Variants in STARD13 observed in about 807,000 individuals in gnomAD.
STARD13 encodes stAR-related lipid transfer protein 13.
In STARD13, 62 loss-of-function variants were observed where a neutral mutation model predicts 106.4. The observed-to-expected ratio is 0.58, with a 90% confidence interval of 0.48 to 0.72. STARD13 has a LOEUF of 0.72. Among genes scored for constraint, STARD13 ranks in the 30% least tolerant of loss-of-function variants. The pLI is 0.00. For synonymous variants in STARD13, 565 were observed against 553.0 expected (o/e 1.02, Z -0.31); for missense variants, 1,387 against 1,424.0 (o/e 0.97, Z 0.42).
rs1484181791 is a variant in STARD13 at position 33,243,865 on chromosome 13, G to A, written c.169+41605C>T. 4.6e-5 allele frequency among the ~76,000 whole-genome samples: 7 copies of A among 152,248 alleles called. No individual in the cohort carries two copies. The East Asian group carries it at 1.2e-3, about 25-fold the overall frequency. On this transcript the variant is annotated intron_variant, in intron 1 of 13. Coordinates refer to ENST00000336934, the MANE Select transcript of STARD13 (RefSeq NM_178006.4). ...GTATTTAAGCACTGGTTTAAAGGTG[G>A]AAAGCAGGAACCAACGGCTAAGAGT...
At chr13:33,348,650 T>C (rs1229556000) in exon 2 of STARD13, 1 of 154,238 alleles carries the variant, frequency 6.5e-6, no homozygotes, top group Non-Finnish European at 1.4e-5. Context: ...ACCACAAAAA[T>C]TTCTCTAACA....
At chr13:33,385,126 A>AATAT in the STARD13 span, among the ~76,000 whole-genome samples, 65 of 129,914 alleles carry the variant, frequency 5.0e-4, no homozygotes, top group African/African-American at 1.3e-3. Flanking sequence ...AAAGGTTCGG[A>AATAT]ATATATATAT....
upstream of STARD13, among the ~76,000 whole-genome samples, chr13:33,289,395 C>T (rs1892199522): frequency 1.3e-5 from 2 of 152,154 alleles, no homozygotes; most frequent in African/African-American, 4.8e-5. Context: ...CTGAAGCCTT[C>T]ATGGCTTCAC....
the STARD13 span, among the ~76,000 whole-genome samples, chr13:33,531,752 T>G: frequency 6.6e-6 from 1 of 152,204 alleles, no homozygotes; most frequent in East Asian, 1.9e-4. Context: ...CCAGTTTGAA[T>G]GTAAGACTAC....
At chr13:33,602,689 G>A in the STARD13 span, among the ~76,000 whole-genome samples, 11 of 152,198 alleles carry the variant, frequency 7.2e-5, no homozygotes, top group African/African-American at 1.4e-4. Flanking sequence ...CACAGCAGGA[G>A]GTGAGCAACA....
the STARD13 span, among the ~76,000 whole-genome samples, chr13:33,427,649 G>C: frequency 3.9e-5 from 6 of 152,134 alleles, no homozygotes. Context: ...AATGTGGCTA[G>C]TCCGTAACAT....
the STARD13 span, among the ~76,000 whole-genome samples, chr13:33,468,120 T>C: frequency 3.2e-4 from 49 of 152,332 alleles, no homozygotes; most frequent in African/African-American, 1.2e-3. Context: ...GTTCTAATCC[T>C]ACCTTTCCAA....
the STARD13 span, among the ~76,000 whole-genome samples, chr13:33,632,784 A>G: frequency 1.3e-5 from 2 of 151,598 alleles, no homozygotes; most frequent in Non-Finnish European, 2.9e-5. Context: ...TTTTCTACAG[A>G]TTGATCACTA....
chr13:33,594,331 C>A, the STARD13 span, among the ~76,000 whole-genome samples: 40 of 151,900 alleles, frequency 2.6e-4, no homozygotes, highest in African/African-American at 9.7e-4. Flanking sequence ...AGGTCTTGTT[C>A]AGAGGACCAG....
At chr13:33,341,655 T>A (rs1003466805) in intron 1 of STARD13, among the ~76,000 whole-genome samples, 2 of 152,128 alleles carry the variant, frequency 1.3e-5, no homozygotes, top group African/African-American at 4.8e-5. Context: ...TTGTGCCTCT[T>A]ATTCAGAGCA....
At chr13:33,306,830 G>A (rs561728146) in intron 1 of STARD13, among the ~76,000 whole-genome samples, 6 of 152,158 alleles carry the variant, frequency 3.9e-5, no homozygotes, top group Non-Finnish European at 8.8e-5. Flanking sequence ...CATGCCTGCA[G>A]TCCCAGCTAC....
At chr13:33,609,557 A>ATTTC in the STARD13 span, among the ~76,000 whole-genome samples, 1 of 149,312 alleles carries the variant, frequency 6.7e-6, no homozygotes, top group Non-Finnish European at 1.5e-5. Context: ...TCTACTTCTA[A>ATTTC]TTTCTTTCTT....
chr13:33,518,252 G>A, the STARD13 span, among the ~76,000 whole-genome samples: 3 of 152,058 alleles, frequency 2.0e-5, no homozygotes, highest in Non-Finnish European at 4.4e-5. Context: ...ATTTACTTGG[G>A]CAAGACAGGA....
the STARD13 span, among the ~76,000 whole-genome samples, chr13:33,569,573 G>A: frequency 6.8e-6 from 1 of 147,258 alleles, no homozygotes; most frequent in East Asian, 2.0e-4. Flanking sequence ...TGTTAAATGA[G>A]GTGAAAGTGA....
chr13:33,117,873 C>T, intron 8 of STARD13, 192 bp downstream of exon 8: 1 of 985,268 alleles, frequency 1.0e-6, no homozygotes, highest in Non-Finnish European at 1.2e-6. Flanking sequence ...TTTTCAAATG[C>T]ATAAAAAAAT....
At chr13:33,498,053 C>T in the STARD13 span, among the ~76,000 whole-genome samples, 1 of 152,150 alleles carries the variant, frequency 6.6e-6, no homozygotes, top group Non-Finnish European at 1.5e-5. Context: ...TAAAAAAGAG[C>T]TGTCATACCA....
At chr13:33,113,581 A>G (rs779332967) in intron 8 of STARD13, 1 of 515,776 alleles carries the variant, frequency 1.9e-6, no homozygotes, top group Non-Finnish European at 3.9e-6. Context: ...GCTTTGCAGG[A>G]TGCCTGCTAT....
At chr13:33,413,986 T>C in the STARD13 span, among the ~76,000 whole-genome samples, 2 of 145,844 alleles carry the variant, frequency 1.4e-5, no homozygotes, top group Non-Finnish European at 3.0e-5. Context: ...TGAGCCAGGA[T>C]TGAACCACTG....
chr13:33,601,259 G>C, the STARD13 span, among the ~76,000 whole-genome samples: 1 of 147,488 alleles, frequency 6.8e-6, no homozygotes, highest in African/African-American at 2.5e-5. Flanking sequence ...GATTTCTGTT[G>C]CTAGGAAACC....
Sources: allele counts gnomAD v4.1 joint callset (sites outside exome capture counted in the v4.1 genomes callset), GRCh38; gene constraint gnomAD v4.1.1; transcripts MANE v1.5; gene names NCBI Gene and HGNC (gene_info 2026-07-23, HGNC 2026-07-21).